PXDN: variants seen among roughly 807,000 people sequenced by gnomAD.
PXDN encodes peroxidasin homolog.
A neutral mutation model predicts 140.3 loss-of-function variants in PXDN; 77 were observed. The ratio of observed to expected loss-of-function variants is 0.55; its 90% CI spans 0.46 to 0.66. The LOEUF (loss-of-function observed/expected upper bound fraction) is 0.66. Among genes scored for constraint, PXDN ranks in the 30% least tolerant of loss-of-function variants. The probability of loss-of-function intolerance (pLI) is 0.00; values close to 1 mark genes in which losing one functional copy is unlikely to be tolerated. For missense variants in PXDN, 1,838 were observed against 2,039.5 expected (o/e 0.90, Z 1.90); for synonymous variants, 911 against 857.4 (o/e 1.06, Z -1.09).
At chr2:1,664,836 G>GA (rs1683393630) in intron 11 of PXDN, 122 bp downstream of exon 11, 1 of 860,046 alleles carries the variant, frequency 1.2e-6, no homozygotes, top group Non-Finnish European at 1.8e-6. Flanking sequence ...TGGTCCTGTG[G>GA]AATCCAGTCC....
intron 21 of PXDN, among the ~76,000 whole-genome samples, chr2:1,638,168 C>G (rs1682619404): frequency 6.6e-6 from 1 of 152,172 alleles, no homozygotes; most frequent in South Asian, 2.1e-4. Context: ...CAGCCAGGAC[C>G]TGCGCACCTT....
intron 4 of PXDN, among the ~76,000 whole-genome samples, chr2:1,686,362 A>C (rs1310598138): frequency 6.6e-6 from 1 of 152,024 alleles, no homozygotes; most frequent in Non-Finnish European, 1.5e-5. Flanking sequence ...CATCATCCAA[A>C]ATTTCAGCAA....
Position 1,662,001 on chromosome 2 carries a change from T to G in PXDN, c.1680+71A>C, listed in dbSNP as rs867096953. 5.9e-6 allele frequency: 8 copies of G among 1,346,508 alleles called. No homozygotes were observed. In the African/African-American group the frequency reaches 7.3e-5, roughly 12 times the overall value. The allele number at this position is 1,346,508 out of a possible 1,614,324, so 83.4% of individuals were successfully genotyped here. A position where few individuals can be genotyped will look rare whatever the true frequency, so the allele number is the denominator to read the frequency against. ...GGTCCGCCTACCTTGCTCCAGGTAG[T>G]GGGTGGTGTGGGTGCCAGCCCGTCT... On this transcript the variant is annotated intron_variant, in intron 13 of 22. Coordinates refer to ENST00000252804, the MANE Select transcript of PXDN (RefSeq NM_012293.3).
rs550613138 is a variant in PXDN at position 1,705,748 on chromosome 2, G to A, written c.201-12614C>T. Among the ~76,000 whole-genome samples the A allele has an allele frequency of 1.4e-4, 18 of 132,808 alleles. No individual in the cohort carries two copies. In the East Asian group the frequency reaches 2.8e-3, roughly 21 times the overall value. 87.1% of individuals were successfully genotyped at this position (132,808 alleles called of 152,430 possible). ...TCCCCACAACCTGGGATGCAGGTGC[G>A]GCTGCCCATGACCTGGGACACAGGA... On this transcript the variant is annotated intron_variant, in intron 1 of 22. Transcript: ENST00000252804.
intron 1 of PXDN, 48 bp downstream of exon 1, chr2:1,744,208 C>G: frequency 7.0e-7 from 1 of 1,430,932 alleles, no homozygotes; most frequent in Non-Finnish European, 9.2e-7. Context: ...TCCCGGATCT[C>G]CACGAAGCCC....
chr2:1,711,712 C>G (rs1229082883), intron 1 of PXDN, among the ~76,000 whole-genome samples: 2 of 152,210 alleles, frequency 1.3e-5, no homozygotes, highest in African/African-American at 4.8e-5. Flanking sequence ...AGGAGGGCCA[C>G]CTGCAGGATC....
chr2:1,662,117 C>A lies in PXDN; in HGVS notation c.1635G>T (p.Pro545=). The part of the protein sequence containing the change: ...TVEVGANVQL[P]CSSQGEPEPA... Reference sequence around the variant, plus strand: ...GCTCGGGCTCGCCCTGGGAGCTGCACGGGAGCTGCACATTGGCGCCCACCT... The same window carrying A: ...GCTCGGGCTCGCCCTGGGAGCTGCAAGGGAGCTGCACATTGGCGCCCACCT... Residue 545 remains proline, a synonymous_variant, in exon 13 of 23, where the codon CCG becomes CCT. Coordinates refer to ENST00000252804, the MANE Select transcript of PXDN (RefSeq NM_012293.3). 1 of 1,598,276 alleles carries A rather than the reference C, an allele frequency of 6.3e-7. No individual in the cohort carries two copies. The highest frequency in any genetic ancestry group is 8.5e-7 in the Non-Finnish European group (1 of 1,172,928).
intron 14 of PXDN, among the ~76,000 whole-genome samples, chr2:1,658,900 C>T (rs1157429208): frequency 2.0e-5 from 3 of 152,068 alleles, no homozygotes; most frequent in Non-Finnish European, 2.9e-5. Context: ...TCTGCTTCCC[C>T]CTCCGGCCCA....
At chr2:1,703,465 ACAACTCCAGGTGAAGGGGGGG>A (rs756834347) in intron 1 of PXDN, among the ~76,000 whole-genome samples, 1 of 16,824 alleles carries the variant, frequency 5.9e-5, no homozygotes, top group Non-Finnish European at 1.1e-4. Context: ...TGAAGGAGAG[ACAACTCCAGGTGAAGGGGGGG>A]CAACTCCAGG....
chr2:1,635,968 A>C (rs562929216), intron 21 of PXDN: 1 of 303,794 alleles, frequency 3.3e-6, no homozygotes, highest in South Asian at 3.1e-5. Context: ...TGTGCCATGC[A>C]CAGGGGTAGC....
At chr2:1,652,200 T>C (rs1336190284) in intron 16 of PXDN, among the ~76,000 whole-genome samples, 1 of 152,204 alleles carries the variant, frequency 6.6e-6, no homozygotes, top group Non-Finnish European at 1.5e-5. Flanking sequence ...GATGGCTTTA[T>C]TTCTGTGGTG....
intron 9 of PXDN, among the ~76,000 whole-genome samples, chr2:1,670,484 G>A (rs1003114163): frequency 5.9e-5 from 9 of 152,156 alleles, no homozygotes; most frequent in African/African-American, 1.9e-4. Context: ...ATGACGAAAA[G>A]AGCCAGGAGG....
At chr2:1,645,642 A>G (rs1419722371) in intron 17 of PXDN, among the ~76,000 whole-genome samples, 1 of 152,184 alleles carries the variant, frequency 6.6e-6, no homozygotes, top group Non-Finnish European at 1.5e-5. Flanking sequence ...TAGTCTTTCA[A>G]AGACAAATTG....
intron 3 of PXDN, among the ~76,000 whole-genome samples, chr2:1,691,215 C>T (rs1684176328): frequency 6.6e-6 from 1 of 152,146 alleles, no homozygotes; most frequent in South Asian, 2.1e-4. Context: ...TGGAAAGTGA[C>T]TAAGTCTTAA....
At chr2:1,674,183 T>G (rs1365627188) in intron 8 of PXDN, among the ~76,000 whole-genome samples, 1 of 152,262 alleles carries the variant, frequency 6.6e-6, no homozygotes, top group Non-Finnish European at 1.5e-5. Flanking sequence ...TTTACATTAC[T>G]AAAAGCCAGA....
chr2:1,708,326 G>A (rs1558519470), intron 1 of PXDN, among the ~76,000 whole-genome samples: 6 of 152,198 alleles, frequency 3.9e-5, no homozygotes, highest in Admixed American at 2.0e-4. Context: ...AAAGAGGTTC[G>A]CCCTTTCATG....
At chr2:1,673,933 C>T in intron 8 of PXDN, 121 bp from the exon 9 acceptor site, 1 of 1,041,006 alleles carries the variant, frequency 9.6e-7, no homozygotes, top group Admixed American at 2.2e-5. Flanking sequence ...AACAGCTCAC[C>T]TTCCAGGGTC....
intron 11 of PXDN, 56 bp from the exon 12 acceptor site, chr2:1,663,819 T>C: frequency 6.3e-7 from 1 of 1,580,000 alleles, no homozygotes; most frequent in Admixed American, 1.7e-5. Context: ...GAACTCCTGC[T>C]CTCAGACTGA....
At chr2:1,732,736 G>C (rs928483320) in intron 1 of PXDN, among the ~76,000 whole-genome samples, 1 of 152,174 alleles carries the variant, frequency 6.6e-6, no homozygotes, top group Non-Finnish European at 1.5e-5. Context: ...TCTGGAATCT[G>C]CTTAAAAAAT....
Sources: allele counts gnomAD v4.1 joint callset (sites outside exome capture counted in the v4.1 genomes callset), GRCh38; gene constraint gnomAD v4.1.1; transcripts MANE v1.5; gene names NCBI Gene and HGNC (gene_info 2026-07-23, HGNC 2026-07-21).